The following FLT1 variants were observed in gnomAD, a reference collection of about 807,000 sequenced individuals.
FLT1 encodes the protein vascular endothelial growth factor receptor 1.
FLT1 carries 49 observed loss-of-function variants against 156.3 expected under a neutral mutation model. The observed-to-expected ratio is 0.31, with a 90% CI of 0.25 to 0.40. The LOEUF (loss-of-function observed/expected upper bound fraction) is 0.40, where lower values mean the gene tolerates loss of function less well. FLT1 is among the 10% of genes least tolerant of loss of function. The probability of loss-of-function intolerance (pLI) is 1.00; values close to 1 mark genes in which losing one functional copy is unlikely to be tolerated. For synonymous variants in FLT1, 594 were observed against 583.8 expected (o/e 1.02, Z -0.25); for missense variants, 1,322 against 1,637.2 (o/e 0.81, Z 3.32).
chr13:28,425,267 T>G (rs578040722), intron 10 of FLT1, among the ~76,000 whole-genome samples: 5 of 152,212 alleles, frequency 3.3e-5, no homozygotes, highest in Non-Finnish European at 7.3e-5. Flanking sequence ...AACTTCCATT[T>G]GTGATCAGTC....
Position 28,317,498 on chromosome 13 carries a change from A to G in FLT1, c.3386T>C (p.Ile1129Thr), listed in dbSNP as rs1310641415. 1 of 1,604,114 alleles carries G rather than the reference A, an allele frequency of 6.2e-7. No individual in the cohort carries two copies. The highest frequency in any genetic ancestry group is 1.3e-5 in the African/African-American group (1 of 74,810). The change falls in exon 25 of 30, where the codon ATC (isoleucine) becomes ACC (threonine). Residue 1129 changes from isoleucine to threonine, a missense_variant and splice_region_variant. Around this residue, in one of 3 missense-constraint regions of FLT1, gnomAD observed 329 missense variants for 366.2 expected, o/e 0.90. Transcript: ENST00000282397. ...MRAPEYSTPEIYQIMLDCWHR... is the reference protein window; with the variant it reads ...MRAPEYSTPETYQIMLDCWHR... ...GGAGCAGAGGGCACCAAGGGCTCACATTTCAGGAGTAGAGTACTCAGGAGC... is the reference window on the plus strand; with the variant it reads ...GGAGCAGAGGGCACCAAGGGCTCACGTTTCAGGAGTAGAGTACTCAGGAGC...
intron 14 of FLT1, among the ~76,000 whole-genome samples, chr13:28,369,821 T>C (rs1873473643): frequency 1.3e-5 from 2 of 152,174 alleles, no homozygotes; most frequent in Admixed American, 6.5e-5. Flanking sequence ...TAAGCCCTGA[T>C]AAGACGATTT....
intron 3 of FLT1, among the ~76,000 whole-genome samples, chr13:28,462,535 A>G (rs1396148214): frequency 6.6e-6 from 1 of 152,198 alleles, no homozygotes; most frequent in Non-Finnish European, 1.5e-5. Flanking sequence ...GATTCAATTC[A>G]TTTTTAACAA....
chr13:28,449,124 A>T (rs1287926114), intron 3 of FLT1, among the ~76,000 whole-genome samples: 2 of 152,166 alleles, frequency 1.3e-5, no homozygotes, highest in Non-Finnish European at 1.5e-5. Context: ...CTACAAAAAA[A>T]TTTTAAAAAT....
At chr13:28,420,088 G>A (rs964880408) in intron 10 of FLT1, among the ~76,000 whole-genome samples, 2 of 152,174 alleles carry the variant, frequency 1.3e-5, no homozygotes, top group African/African-American at 2.4e-5. Context: ...AGGGGCCTTT[G>A]GCAAAAGAAC....
intron 14 of FLT1, among the ~76,000 whole-genome samples, chr13:28,378,212 CT>C (rs1289621892): frequency 2.0e-5 from 3 of 152,006 alleles, no homozygotes; most frequent in Non-Finnish European, 4.4e-5. Flanking sequence ...CCATGCCCAA[CT>C]AATTTTTGTA....
At chr13:28,337,149 CTT>C (rs80124550) in intron 17 of FLT1, among the ~76,000 whole-genome samples, 1 of 143,040 alleles carries the variant, frequency 7.0e-6, no homozygotes, top group Non-Finnish European at 1.5e-5. Context: ...AGTGAGGAAT[CTT>C]TTTTTTTTTT....
intron 14 of FLT1, among the ~76,000 whole-genome samples, chr13:28,379,133 A>G (rs1873968479): frequency 6.6e-6 from 1 of 152,176 alleles, no homozygotes; most frequent in Non-Finnish European, 1.5e-5. Context: ...ACTTGAGGTC[A>G]GGAGTTCAAG....
chr13:28,363,497 A>C (rs544342578), intron 14 of FLT1, among the ~76,000 whole-genome samples: 1 of 152,340 alleles, frequency 6.6e-6, no homozygotes, highest in African/African-American at 2.4e-5. Flanking sequence ...CTACATAGGT[A>C]TATATCTGTA....
intron 19 of FLT1, among the ~76,000 whole-genome samples, chr13:28,328,722 G>C (rs1871796664): frequency 6.6e-6 from 1 of 152,236 alleles, no homozygotes; most frequent in Admixed American, 6.5e-5. Context: ...ACCGTCCTCA[G>C]AGGGGCTTCC....
chr13:28,385,139 A>T, intron 13 of FLT1, 108 bp from the exon 14 acceptor site: 1 of 1,153,428 alleles, frequency 8.7e-7, no homozygotes, highest in African/African-American at 1.5e-5. Context: ...CTCAACTATT[A>T]GGTTTCATTT....
intron 3 of FLT1, among the ~76,000 whole-genome samples, chr13:28,442,325 C>T (rs1878374085): frequency 6.6e-6 from 1 of 152,082 alleles, no homozygotes; most frequent in African/African-American, 2.4e-5. Context: ...TTTACTGTCT[C>T]CTTAAGCAAC....
chr13:28,443,477 G>A (rs1878444073), intron 3 of FLT1, among the ~76,000 whole-genome samples: 1 of 152,202 alleles, frequency 6.6e-6, no homozygotes, highest in African/African-American at 2.4e-5. Context: ...CTTGTGACTT[G>A]AAGAGGAGTT....
At position 28,386,597 on chromosome 13, in the gene FLT1, G is replaced by A. The variant is rs543748849; in HGVS notation, c.1970-1566C>T. On this transcript the variant is annotated intron_variant, in intron 13 of 29. Transcript: ENST00000282397. ...TCTTATCTTGCCCACTAAGCAGAAC[G>A]TTACGATATTTCTGTTTTTGCATTG... 33 of 1,055,346 alleles carry A rather than the reference G, an allele frequency of 3.1e-5. No homozygotes were observed. The East Asian group carries it at 5.3e-4, about 17-fold the overall frequency. 65.4% of individuals were successfully genotyped at this position (1,055,346 alleles called of 1,614,324 possible).
At chr13:28,335,218 T>A (rs1324055) in intron 17 of FLT1, among the ~76,000 whole-genome samples, 1 of 152,064 alleles carries the variant, frequency 6.6e-6, no homozygotes. Flanking sequence ...GTGAAGTAAG[T>A]CAGTCTTTTT....
chr13:28,377,129 T>G (rs1285545881), intron 14 of FLT1, among the ~76,000 whole-genome samples: 1 of 152,196 alleles, frequency 6.6e-6, no homozygotes, highest in African/African-American at 2.4e-5. Flanking sequence ...TCACTTCAGC[T>G]TGTCTACTCT....
intron 1 of FLT1, among the ~76,000 whole-genome samples, chr13:28,489,642 G>A (rs1001425795): frequency 6.6e-5 from 10 of 152,156 alleles, no homozygotes; most frequent in East Asian, 5.8e-4. Flanking sequence ...GCAGGCAGAC[G>A]AGCAGCATGA....
intron 10 of FLT1, among the ~76,000 whole-genome samples, chr13:28,407,162 T>C (rs1875859764): frequency 6.6e-6 from 1 of 152,182 alleles, no homozygotes; most frequent in Non-Finnish European, 1.5e-5. Flanking sequence ...GGCCCGAGCA[T>C]GCCGTCGGCG....
intron 13 of FLT1, chr13:28,388,285 C>G (rs1250414954): frequency 1.9e-6 from 2 of 1,057,100 alleles, no homozygotes; most frequent in East Asian, 1.1e-4. Context: ...TCACGTTTGA[C>G]AAAAGCAATT....
Sources: allele counts gnomAD v4.1 joint callset (sites outside exome capture counted in the v4.1 genomes callset), GRCh38; gene constraint gnomAD v4.1.1; regional missense constraint gnomAD v4.1.1; transcripts MANE v1.5; gene names NCBI Gene and HGNC (gene_info 2026-07-23, HGNC 2026-07-21).